Variants in NTM observed in about 807,000 individuals in gnomAD.
NTM encodes IgLON family member 2.
Under a neutral mutation model 42.1 loss-of-function variants are expected in NTM, and 13 were observed. The ratio of observed to expected loss-of-function variants is 0.31; its 90% CI spans 0.20 to 0.49. The LOEUF (loss-of-function observed/expected upper bound fraction) is 0.49, where lower values mean the gene tolerates loss of function less well. Ranked by LOEUF, NTM falls within the 20% of genes least tolerant of loss-of-function variation. The probability of loss-of-function intolerance (pLI) is 0.99; values close to 1 mark genes in which losing one functional copy is unlikely to be tolerated. For missense variants in NTM, 373 were observed against 452.8 expected (o/e 0.82, Z 1.60); for synonymous variants, 187 against 179.2 (o/e 1.04, Z -0.35).
intron 2 of NTM, among the ~76,000 whole-genome samples, chr11:131,948,143 C>T (rs1385782334): frequency 1.3e-5 from 2 of 151,888 alleles, no homozygotes; most frequent in South Asian, 2.1e-4. Context: ...GGGCTGATCA[C>T]GAGGTCAGGA....
chr11:132,222,869 C>A (rs921108692), intron 4 of NTM, among the ~76,000 whole-genome samples: 1 of 152,172 alleles, frequency 6.6e-6, no homozygotes, highest in Admixed American at 6.5e-5. Context: ...CAGGACTCCC[C>A]CTGTTTAACT....
At chr11:131,848,185 C>T (rs1184560504) in intron 1 of NTM, among the ~76,000 whole-genome samples, 2 of 152,126 alleles carry the variant, frequency 1.3e-5, no homozygotes, top group Admixed American at 6.5e-5. Flanking sequence ...TGAATATATA[C>T]TTTTTTCTTC....
At chr11:132,225,574 C>A (rs2086059018) in intron 4 of NTM, among the ~76,000 whole-genome samples, 1 of 152,058 alleles carries the variant, frequency 6.6e-6, no homozygotes, top group Non-Finnish European at 1.5e-5. Flanking sequence ...TGATGAGAGC[C>A]CCTATAGTCA....
intron 2 of NTM, among the ~76,000 whole-genome samples, chr11:132,078,504 A>AAT (rs2058641928): frequency 6.6e-6 from 1 of 152,234 alleles, no homozygotes; most frequent in African/African-American, 2.4e-5. Context: ...CTTGCTAATT[A>AAT]GCAATTAGCC....
chr11:131,771,383 C>T (rs1343702295), intron 1 of NTM: 1 of 152,154 alleles, frequency 6.6e-6, no homozygotes, highest in Non-Finnish European at 1.5e-5. Context: ...TCATAATTGT[C>T]ACAGAATATG....
intron 1 of NTM, among the ~76,000 whole-genome samples, chr11:131,837,385 G>A (rs906962512): frequency 1.3e-5 from 2 of 152,068 alleles, no homozygotes; most frequent in African/African-American, 4.8e-5. Context: ...ATTATAATTT[G>A]GGTATTCACT....
chr11:131,870,955 G>A (rs998800938), intron 1 of NTM, among the ~76,000 whole-genome samples: 2 of 152,092 alleles, frequency 1.3e-5, no homozygotes, highest in Admixed American at 6.5e-5. Flanking sequence ...GGTAAGATTG[G>A]GTCTATTTAA....
intron 1 of NTM, among the ~76,000 whole-genome samples, chr11:131,482,884 G>A (rs542835349): frequency 1.3e-5 from 2 of 152,300 alleles, no homozygotes; most frequent in Admixed American, 1.3e-4. Context: ...TTGTGTGGGG[G>A]AGTCGAGCAT....
At chr11:132,286,549 C>T (rs553151285) in intron 4 of NTM, among the ~76,000 whole-genome samples, 107 of 152,052 alleles carry the variant, frequency 7.0e-4, no homozygotes, top group Non-Finnish European at 1.4e-3. Context: ...AGCCTCAATG[C>T]GCAACTTTGG....
At chr11:131,401,382 G>A (rs1354440300) in intron 1 of NTM, among the ~76,000 whole-genome samples, 2 of 152,002 alleles carry the variant, frequency 1.3e-5, no homozygotes, top group Non-Finnish European at 2.9e-5. Flanking sequence ...GGTAGACAAG[G>A]GTTCAAATCC....
chr11:131,790,563 C>T (rs1220103762), intron 1 of NTM, among the ~76,000 whole-genome samples: 1 of 152,180 alleles, frequency 6.6e-6, no homozygotes, highest in Non-Finnish European at 1.5e-5. Flanking sequence ...CCCTTCTAGG[C>T]TTCCTGGTCA....
intron 2 of NTM, among the ~76,000 whole-genome samples, chr11:131,985,415 T>C (rs947222482): frequency 6.6e-6 from 1 of 152,196 alleles, no homozygotes; most frequent in East Asian, 1.9e-4. Flanking sequence ...TAGGGGCACA[T>C]TAGTTGTTAT....
At chr11:132,109,572 C>T (rs965530857) in intron 2 of NTM, among the ~76,000 whole-genome samples, 2 of 152,212 alleles carry the variant, frequency 1.3e-5, no homozygotes, top group African/African-American at 4.8e-5. Context: ...TAGAACCTTT[C>T]ATACTTAAAA....
chr11:131,607,918 T>C (rs904939342), intron 1 of NTM, among the ~76,000 whole-genome samples: 1 of 152,076 alleles, frequency 6.6e-6, no homozygotes. Context: ...ATTATTATTA[T>C]TATACTTTAA....
chr11:131,847,720 CA>C (rs145153859), intron 1 of NTM, among the ~76,000 whole-genome samples: 12 of 149,768 alleles, frequency 8.0e-5, no homozygotes, highest in African/African-American at 2.0e-4. Context: ...AGGGAAATAC[CA>C]AAAAAAAATA....
At chr11:131,747,549 T>C (rs772042643) in intron 1 of NTM, among the ~76,000 whole-genome samples, 2 of 152,190 alleles carry the variant, frequency 1.3e-5, no homozygotes, top group Non-Finnish European at 2.9e-5. Flanking sequence ...CCTGAAATCA[T>C]CTTCCACATC....
intron 3 of NTM, among the ~76,000 whole-genome samples, chr11:132,165,051 C>A (rs2075042524): frequency 6.6e-6 from 1 of 152,146 alleles, no homozygotes; most frequent in African/African-American, 2.4e-5. Flanking sequence ...TACATGCTGT[C>A]CAGTGACCCA....
intron 3 of NTM, among the ~76,000 whole-genome samples, chr11:132,163,584 T>G: frequency 6.6e-6 from 1 of 152,212 alleles, no homozygotes. Flanking sequence ...GGTTGCACAT[T>G]GGTAAGTGGC....
intron 1 of NTM, among the ~76,000 whole-genome samples, chr11:131,400,824 T>C (rs1405161183): frequency 6.6e-6 from 1 of 152,142 alleles, no homozygotes; most frequent in Admixed American, 6.6e-5. Context: ...AAATCTAGGA[T>C]ATGTGTTATC....
Sources: allele counts gnomAD v4.1 joint callset (sites outside exome capture counted in the v4.1 genomes callset), GRCh38; gene constraint gnomAD v4.1.1; transcripts MANE v1.5; gene names NCBI Gene and HGNC (gene_info 2026-07-23, HGNC 2026-07-21).